Variants in CAPN12 observed in about 807,000 individuals in gnomAD.
CAPN12 encodes the protein calpain 12.
Under a neutral mutation model 95.0 loss-of-function variants are expected in CAPN12, and 107 were observed. The observed-to-expected ratio is 1.13, with a 90% confidence interval of 0.96 to 1.32. The LOEUF is 1.32. Ranked by LOEUF, CAPN12 falls within the 40% of genes most tolerant of loss-of-function variation. The pLI is 0.00. For missense variants in CAPN12, 1,136 were observed against 997.8 expected (o/e 1.14, Z -1.87); for synonymous variants, 505 against 415.5 (o/e 1.22, Z -2.62).
chr19:38,744,397 G>A lies in CAPN12; in HGVS notation c.-232C>T, dbSNP rs2039580854. The stretch of plus-strand genomic sequence containing the variant: ...CCAAGGTAGCAGCTTAATGGGCTTG[G>A]CCAGCAGCAGGAGAGAAGGCGGGCA... On this transcript the variant is annotated 5_prime_UTR_variant, in exon 1 of 21. Coordinates refer to ENST00000328867, the MANE Select transcript of CAPN12 (RefSeq NM_144691.4). 3 of 582,076 alleles carry A rather than the reference G, an allele frequency of 5.2e-6. No individual in the cohort carries two copies. Among genetic ancestry groups the A allele is most frequent in the Non-Finnish European group, 9.2e-6 (3 of 326,532 alleles). 36.1% of individuals were successfully genotyped at this position (582,076 alleles called of 1,614,324 possible). A position where few individuals can be genotyped will look rare whatever the true frequency, so the allele number is the denominator to read the frequency against.
rs376638399 is a variant in CAPN12, at chr19:38,735,559, T to A, written c.1584-15A>T. The A allele has an allele frequency of 3.7e-6, 6 of 1,603,588 alleles. No homozygotes were observed. Among genetic ancestry groups the A allele is most frequent in the Non-Finnish European group, 4.2e-6 (5 of 1,177,124 alleles). On this transcript the variant is annotated splice_polypyrimidine_tract_variant and intron_variant, in intron 12 of 20. Transcript: ENST00000328867. ...CGTCGATCTCCCTGCAAATTACAGA[T>A]GGGAAGTGGGGAGGGGGCTGTTTGC...
chr19:38,741,856 G>A lies in CAPN12; in HGVS notation c.481C>T (p.Arg161Cys), dbSNP rs539611909. The A allele has an allele frequency of 5.9e-5, 96 of 1,614,028 alleles. No individual in the cohort carries two copies. Among genetic ancestry groups the A allele is most frequent in the South Asian group, 4.7e-4 (43 of 91,066 alleles). Residue 161 changes from arginine to cysteine, a missense_variant, in exon 4 of 21, where the codon CGT (arginine) becomes TGT (cysteine). Coordinates refer to ENST00000328867, the MANE Select transcript of CAPN12 (RefSeq NM_144691.4). ...CGCACGAACATCAGCTTCCCCTCAC[G>A]CACGGGCAGCCTGTCATCCACCACG... is the stretch of plus-strand genomic sequence containing the variant. ...DVVVDDRLPV[R>C]EGKLMFVRSE...
chr19:38,738,578 T>C lies in CAPN12; in HGVS notation c.800A>G (p.His267Arg). The C allele has an allele frequency of 1.2e-6, 2 of 1,614,024 alleles. No individual in the cohort carries two copies. The change falls in exon 6 of 21, where the codon CAC becomes CGC. Residue 267 changes from histidine (H) to arginine (R), a missense_variant. By Grantham distance (29) the His-to-Arg change is conservative. Coordinates refer to ENST00000328867, the MANE Select transcript of CAPN12 (RefSeq NM_144691.4). ...KGHAYSITGT[H>R]KVFLGFTKVR... ...CCACCCATGGGGGACACTTACCTTGTGTGTGCCCGTGATGGAATACGCGTG... is the reference window on the plus strand; with the variant it reads ...CCACCCATGGGGGACACTTACCTTGCGTGTGCCCGTGATGGAATACGCGTG...
intron 18 of CAPN12, 129 bp from the exon 19 acceptor site, chr19:38,731,352 G>T (rs917459066): frequency 1.4e-6 from 1 of 711,894 alleles, no homozygotes; most frequent in Non-Finnish European, 2.5e-6. Context: ...CCCCATCCCG[G>T]CAGGGTGAGT....
At chr19:38,733,492 C>T (rs921371787) in intron 18 of CAPN12, 8 of 548,994 alleles carry the variant, frequency 1.5e-5, no homozygotes. Context: ...TCATGTCCTC[C>T]CCACCCCACA....
chr19:38,744,601 A>C (rs1342135592), upstream of CAPN12: 1 of 228,826 alleles, frequency 4.4e-6, no homozygotes, highest in East Asian at 1.0e-4. Context: ...CCCCGCCTTC[A>C]TGTTTCTTCT....
intron 18 of CAPN12, chr19:38,731,689 G>A (rs1460357680): frequency 2.5e-5 from 5 of 200,566 alleles, no homozygotes; most frequent in Non-Finnish European, 5.2e-5. Flanking sequence ...CCAAAACAAT[G>A]GGTTCTTGAC....
At chr19:38,743,347 C>T (rs1970676754) in intron 1 of CAPN12, among the ~76,000 whole-genome samples, 1 of 138,770 alleles carries the variant, frequency 7.2e-6, no homozygotes, top group South Asian at 2.6e-4. Flanking sequence ...GCCCCTCCTC[C>T]CTCAGACCCA....
Position 38,734,134 on chromosome 19 carries a change from CACCTCACCT to C in CAPN12, c.1877_1878+7del. 6.2e-7 allele frequency: 1 copy of C among 1,612,314 alleles called. No homozygotes were observed. The highest frequency in any genetic ancestry group is 8.5e-7 in the Non-Finnish European group (1 of 1,179,644). On this transcript the variant is annotated splice_donor_variant and splice_donor_5th_base_variant and coding_sequence_variant and intron_variant, in exon 17 of 21. Transcript: ENST00000328867. LOFTEE classifies it high-confidence loss of function. The stretch of plus-strand genomic sequence containing the variant: ...CTTTCTGGGAAGAGGCCCAGTCTCC[CACCTCACCT>C]GCCACTCCAGGAGGTAGCCCCAGAG...
At position 38,735,417 on chromosome 19, in the gene CAPN12, G is replaced by T. The variant is rs762790978; in HGVS notation, c.1639C>A (p.Pro547Thr). Residue 547 changes from proline to threonine, a missense_variant, in exon 14 of 21, where the codon CCC becomes ACC. Physicochemically the swap from Pro to Thr is conservative, Grantham distance 38 (BLOSUM62 -1). Coordinates refer to ENST00000328867, the MANE Select transcript of CAPN12 (RefSeq NM_144691.4). ...DLQSLQGPYL[P>T]LELGLEQLFQ... ...AGCTGCTCCAACCCCAGCTCCAGGG[G>T]CAGGTAGGGGCCCTGCCGCATGGCG... 6.2e-7 allele frequency: 1 copy of T among 1,610,006 alleles called. No homozygotes were observed. The highest frequency in any genetic ancestry group is 1.1e-5 in the South Asian group (1 of 90,794).
At position 38,731,278 on chromosome 19, in the gene CAPN12, T is replaced by C. The variant is rs569931453; in HGVS notation, c.1958-55A>G. On this transcript the variant is annotated intron_variant, in intron 18 of 20. Coordinates refer to ENST00000328867, the MANE Select transcript of CAPN12 (RefSeq NM_144691.4). ...GCCCACAGGGAACCCACCTTGGCAT[T>C]GCATCCCCACCCCACCTCCTCAGGG... 23 of 1,368,560 alleles carry C rather than the reference T, an allele frequency of 1.7e-5. No individual in the cohort carries two copies. The South Asian group carries it at 2.7e-4, about 16-fold the overall frequency. The allele number at this position is 1,368,560 out of a possible 1,614,324, so 84.8% of individuals were successfully genotyped here.
rs768747977 is a variant in CAPN12 at position 38,730,194 on chromosome 19, G to T, written c.*658C>A. 3.2e-5 allele frequency: 5 copies of T among 153,904 alleles called. No homozygotes were observed. Among genetic ancestry groups the T allele is most frequent in the East Asian group, 1.9e-4 (1 of 5,134 alleles). The allele number at this position is 153,904 out of a possible 1,614,324, so 9.5% of individuals were successfully genotyped here. On this transcript the variant is annotated 3_prime_UTR_variant, in exon 21 of 21. Coordinates refer to ENST00000328867, the MANE Select transcript of CAPN12 (RefSeq NM_144691.4). The stretch of plus-strand genomic sequence containing the variant: ...AAAGAAAGAATTAAAAACTTTCAGA[G>T]AATTACTATTTACTTTATTAACTTA...
chr19:38,739,742 G>A (rs1044526011), intron 5 of CAPN12: 1 of 244,354 alleles, frequency 4.1e-6, no homozygotes, highest in Admixed American at 5.5e-5. Context: ...AAACCCTAGG[G>A]TGGTAGGAGA....
At chr19:38,738,156 C>G (rs749442143) in intron 8 of CAPN12, 117 bp downstream of exon 8, 4 of 1,017,374 alleles carry the variant, frequency 3.9e-6, no homozygotes, top group Non-Finnish European at 5.8e-6. Context: ...CCCAAAATTA[C>G]CACCGATGTA....
rs1439143091 is a variant in CAPN12, at chr19:38,743,967, A to C, written c.199T>G (p.Ser67Ala). Residue 67 changes from serine (S) to alanine (A), a missense_variant, in exon 1 of 21, where the codon TCG (serine) becomes GCG (alanine). Physicochemically the swap from Ser to Ala is moderately conservative, Grantham distance 99. Coordinates refer to ENST00000328867, the MANE Select transcript of CAPN12 (RefSeq NM_144691.4). ...ALGYDQLGPD[S>A]EKAKGVKWMR... ...CATTTCACGCCTTTGGCCTTCTCCGAGTCCGGCCCCAGCTGGTCATAGCCA... is the reference window on the plus strand; with the variant it reads ...CATTTCACGCCTTTGGCCTTCTCCGCGTCCGGCCCCAGCTGGTCATAGCCA... The C allele has an allele frequency of 3.7e-6, 6 of 1,614,186 alleles. No homozygotes were observed. The South Asian group carries it at 5.5e-5, about 15-fold the overall frequency.
chr19:38,736,019 G>A, intron 12 of CAPN12, 91 bp downstream of exon 12: 2 of 161,688 alleles, frequency 1.2e-5, no homozygotes, highest in African/African-American at 9.7e-5. Flanking sequence ...GGTCTCGGGG[G>A]TCTCGGGGGT....
At chr19:38,735,572 GGGGGCTGTTTGCCCCAGCT>G in intron 12 of CAPN12, 28 bp from the exon 13 acceptor site, 6 of 1,605,824 alleles carry the variant, frequency 3.7e-6, no homozygotes, top group Non-Finnish European at 5.1e-6. Context: ...GAAGTGGGGA[GGGGGCTGTTTGCCCCAGCT>G]GGGGCTGTGT....
chr19:38,743,224 C>T, intron 1 of CAPN12, 122 bp from the exon 2 acceptor site: 1 of 1,109,094 alleles, frequency 9.0e-7, no homozygotes, highest in Non-Finnish European at 1.3e-6. Flanking sequence ...GCATGGCTTC[C>T]CTGGGTCTCC....
chr19:38,744,024 C>T lies in CAPN12; in HGVS notation c.142G>A (p.Asp48Asn), dbSNP rs2145289842. The T allele has an allele frequency of 6.8e-6, 11 of 1,614,216 alleles. No homozygotes were observed. Among genetic ancestry groups the T allele is most frequent in the East Asian group, 2.2e-5 (1 of 44,890 alleles). ...TCAGGGCCAGCAGGGAAGTAAGGGT[C>T]GCGGAACAGGATCCCCGAATCCAGG... Reference protein sequence around the residue: ...ACLDSGILFRDPYFPAGPDAL... With the variant: ...ACLDSGILFRNPYFPAGPDAL... Residue 48 changes from aspartate to asparagine, a missense_variant, in exon 1 of 21, where the codon GAC (aspartate) becomes AAC (asparagine). Transcript: ENST00000328867.
Sources: gnomAD v4.1 joint callset for allele counts (sites outside exome capture counted in the v4.1 genomes callset) on GRCh38, gnomAD v4.1.1 for gene constraint, MANE v1.5 for transcripts, NCBI Gene and HGNC (gene_info 2026-07-23, HGNC 2026-07-21) for gene names.